Variants in TNRC6B observed in about 807,000 individuals in gnomAD.
TNRC6B encodes the protein trinucleotide repeat containing adaptor 6B.
In TNRC6B, 52 loss-of-function variants were observed where a neutral mutation model predicts 203.6. The observed-to-expected ratio is 0.26, with a 90% CI of 0.20 to 0.32. The LOEUF is 0.32. TNRC6B is among the 10% of genes least tolerant of loss of function. The pLI is 1.00. For missense variants in TNRC6B, 1,923 were observed against 2,286.2 expected, an observed-to-expected ratio of 0.84 and a Z score of 3.24; for synonymous variants, 838 against 845.7, an observed-to-expected ratio of 0.99 and a Z score of 0.16.
At chr22:40,306,304 G>A (rs1157047688) in intron 15 of TNRC6B, among the ~76,000 whole-genome samples, 1 of 151,764 alleles carries the variant, frequency 6.6e-6, no homozygotes, top group African/African-American at 2.4e-5. Context: ...AAAAAGAAAA[G>A]AAAGAAAAAA....
chr22:40,280,079 C>G lies in TNRC6B; in HGVS notation c.3347C>G (p.Ser1116Cys), dbSNP rs1238266208. 6.2e-7 allele frequency: 1 copy of G among 1,613,718 alleles called. No individual in the cohort carries two copies. Among genetic ancestry groups the G allele is most frequent in the Non-Finnish European group, 8.5e-7 (1 of 1,179,770 alleles). ...DFNDIMRKDR[S>C]GFRPPNSKDM... Reference sequence around the variant, plus strand: ...AATGATATCATGAGGAAGGATCGATCTGGGTTCCGTCCACCTAATTCCAAA... The same window carrying G: ...AATGATATCATGAGGAAGGATCGATGTGGGTTCCGTCCACCTAATTCCAAA... The change falls in exon 10 of 23, where the codon TCT becomes TGT. Residue 1116 changes from serine (S) to cysteine (C), a missense_variant. This residue lies in a region of TNRC6B where 599 missense variants were observed against 656.5 expected (regional missense o/e 0.91). Transcript: ENST00000454349.
At chr22:40,216,323 G>C (rs1264759426) in intron 1 of TNRC6B, among the ~76,000 whole-genome samples, 1 of 152,152 alleles carries the variant, frequency 6.6e-6, no homozygotes, top group Non-Finnish European at 1.5e-5. Flanking sequence ...GTCTCCGTGA[G>C]CATTTGTATG....
chr22:40,184,724 A>G (rs574565463), intron 1 of TNRC6B, among the ~76,000 whole-genome samples: 1 of 152,284 alleles, frequency 6.6e-6, no homozygotes, highest in South Asian at 2.1e-4. Flanking sequence ...GCATTTAGGA[A>G]GATTTTGGAG....
At chr22:40,134,339 C>G (rs1367412761) in intron 3 of TNRC6B, among the ~76,000 whole-genome samples, 2 of 152,144 alleles carry the variant, frequency 1.3e-5, no homozygotes, top group South Asian at 2.1e-4. Context: ...CCAGTCTAAT[C>G]ATGAGAAAAA....
At chr22:40,219,255 C>G in intron 1 of TNRC6B, among the ~76,000 whole-genome samples, 1 of 152,288 alleles carries the variant, frequency 6.6e-6, no homozygotes, top group East Asian at 1.9e-4. Flanking sequence ...GCAGTAAATA[C>G]TTGCTTTAAA....
At chr22:40,244,161 C>T (rs1353405506) in intron 1 of TNRC6B, among the ~76,000 whole-genome samples, 2 of 152,170 alleles carry the variant, frequency 1.3e-5, no homozygotes, top group East Asian at 3.9e-4. Context: ...CTGTGGCCAG[C>T]CTGCCTGAGA....
chr22:40,247,403 T>C (rs1031693301), intron 2 of TNRC6B, among the ~76,000 whole-genome samples: 1 of 152,228 alleles, frequency 6.6e-6, no homozygotes, highest in African/African-American at 2.4e-5. Context: ...TTTCCAGCAT[T>C]ATTGGATATA....
chr22:40,318,066 G>A (rs757009248), intron 21 of TNRC6B, among the ~76,000 whole-genome samples: 4 of 151,990 alleles, frequency 2.6e-5, no homozygotes, highest in African/African-American at 7.3e-5. Flanking sequence ...CTTTTAATAC[G>A]CTAACACATA....
At chr22:40,152,997 G>C (rs1321531298) in intron 3 of TNRC6B, among the ~76,000 whole-genome samples, 4 of 151,954 alleles carry the variant, frequency 2.6e-5, no homozygotes, top group Non-Finnish European at 5.9e-5. Context: ...AACTACTCGG[G>C]AGGCTGAGAC....
At chr22:40,058,043 AT>A in intron 1 of TNRC6B, among the ~76,000 whole-genome samples, 1 of 152,222 alleles carries the variant, frequency 6.6e-6, no homozygotes, top group South Asian at 2.1e-4. Context: ...TATGTTTAAA[AT>A]TTACAGTGTT....
intron 2 of TNRC6B, among the ~76,000 whole-genome samples, chr22:40,125,447 T>C (rs1294550086): frequency 6.6e-6 from 1 of 152,134 alleles, no homozygotes; most frequent in African/African-American, 2.4e-5. Flanking sequence ...TGCAGGTCAG[T>C]GTCTGCTGTA....
Position 40,264,743 on chromosome 22 carries a change from G to C in TNRC6B, c.513G>C (p.Ser171=), listed in dbSNP as rs770714168. The change falls in exon 5 of 23, where the codon TCG becomes TCC. Residue 171 remains serine, a synonymous_variant. Transcript: ENST00000454349. ...ATTATGCAAATTCCACTTGGGGCTCGGGAGCCTCCTCCAACAACGGCACCT... is the reference window on the plus strand; with the variant it reads ...ATTATGCAAATTCCACTTGGGGCTCCGGAGCCTCCTCCAACAACGGCACCT... ...ASNYANSTWG[S]GASSNNGTSP... is the part of the protein sequence containing the mutation. 1 of 1,610,384 alleles carries C rather than the reference G, an allele frequency of 6.2e-7. No individual in the cohort carries two copies. The highest frequency in any genetic ancestry group is 1.1e-5 in the South Asian group (1 of 90,760).
intron 1 of TNRC6B, among the ~76,000 whole-genome samples, chr22:40,236,914 C>T (rs915603629): frequency 3.3e-5 from 5 of 152,144 alleles, no homozygotes; most frequent in African/African-American, 1.2e-4. Flanking sequence ...CCTATAATCC[C>T]AACATTTTGG....
chr22:40,048,652 T>C (rs182847146), intron 1 of TNRC6B, among the ~76,000 whole-genome samples: 1 of 152,182 alleles, frequency 6.6e-6, no homozygotes, highest in African/African-American at 2.4e-5. Flanking sequence ...AACATTTTTT[T>C]AAAAATAACA....
At chr22:40,057,135 A>G (rs2067804342) in intron 1 of TNRC6B, among the ~76,000 whole-genome samples, 1 of 152,196 alleles carries the variant, frequency 6.6e-6, no homozygotes, top group Non-Finnish European at 1.5e-5. Context: ...TTGAAAGATG[A>G]TACTGATTAT....
chr22:40,117,505 A>C (rs1307392795), intron 2 of TNRC6B, among the ~76,000 whole-genome samples: 2 of 152,226 alleles, frequency 1.3e-5, no homozygotes, highest in Non-Finnish European at 2.9e-5. Flanking sequence ...GCCTTTGCTT[A>C]AACAGCCCTC....
chr22:40,055,917 T>C (rs1379701020), intron 1 of TNRC6B, among the ~76,000 whole-genome samples: 1 of 152,244 alleles, frequency 6.6e-6, no homozygotes, highest in East Asian at 1.9e-4. Flanking sequence ...TGAAGGTCTT[T>C]ACATATCTCC....
intron 1 of TNRC6B, among the ~76,000 whole-genome samples, chr22:40,077,828 G>A (rs1378579665): frequency 6.6e-6 from 1 of 152,120 alleles, no homozygotes; most frequent in Non-Finnish European, 1.5e-5. Context: ...GATACATACT[G>A]CATTGAGATC....
At position 40,258,071 on chromosome 22, in the gene TNRC6B, C is replaced by CTTTTTTTTTTTTTTTTTTTT. The variant is rs56078653; in HGVS notation, c.116-3750_116-3731dup. ...GAAATCAGAAAATAGGATACACAGC[C>CTTTTTTTTTTTTTTTTTTTT]TTTTTTTTTTTTTTTTTTTTTTTTT... On this transcript the variant is annotated intron_variant, in intron 3 of 22. Coordinates refer to ENST00000454349, the MANE Select transcript of TNRC6B (RefSeq NM_001162501.2). Among the ~76,000 whole-genome samples the CTTTTTTTTTTTTTTTTTTTT allele has an allele frequency of 3.8e-4, 11 of 28,710 alleles. 1 individual carries two copies. The highest frequency in any genetic ancestry group is 1.9e-3 in the East Asian group (1 of 536). The allele number at this position is 28,710 out of a possible 152,430, so 18.8% of individuals were successfully genotyped here.
Sources: gnomAD v4.1 joint callset for allele counts (sites outside exome capture counted in the v4.1 genomes callset) on GRCh38, gnomAD v4.1.1 for gene constraint, gnomAD v4.1.1 regional missense constraint, MANE v1.5 for transcripts, NCBI Gene and HGNC (gene_info 2026-07-23, HGNC 2026-07-21) for gene names.